The following ZNF33A variants were observed in gnomAD, a reference collection of about 807,000 sequenced individuals.
ZNF33A encodes brain my041 protein.
In ZNF33A, 9 loss-of-function variants were observed where a neutral mutation model predicts 15.9. That is an observed-to-expected ratio of 0.57 (90% CI 0.34 to 0.99). The LOEUF (loss-of-function observed/expected upper bound fraction) is 0.99. Ranked by LOEUF, ZNF33A falls within the 50% of genes least tolerant of loss-of-function variation. The probability of loss-of-function intolerance (pLI) is 0.02; values close to 1 mark genes in which losing one functional copy is unlikely to be tolerated. For synonymous variants in ZNF33A, 294 were observed against 324.2 expected (o/e 0.91, Z 1.00); for missense variants, 843 against 941.6 (o/e 0.90, Z 1.37).
chr10:38,012,005 C>T (rs984525854), intron 1 of ZNF33A, among the ~76,000 whole-genome samples: 2 of 151,850 alleles, frequency 1.3e-5, no homozygotes, highest in East Asian at 1.9e-4. Context: ...TTGTGAACAC[C>T]GAGGGAGATT....
chr10:38,048,084 A>G (rs1218052989), intron 4 of ZNF33A, among the ~76,000 whole-genome samples: 2 of 152,218 alleles, frequency 1.3e-5, no homozygotes, highest in African/African-American at 2.4e-5. Flanking sequence ...GCTATAAGAA[A>G]CAGTGAAGAA....
chr10:38,023,825 T>C (rs2064859233), intron 4 of ZNF33A, among the ~76,000 whole-genome samples: 3 of 152,106 alleles, frequency 2.0e-5, no homozygotes, highest in Admixed American at 2.0e-4. Context: ...TATTTACATA[T>C]GACATGATTG....
Position 38,057,473 on chromosome 10 carries a change from GA to G in ZNF33A, c.*915del. The G allele has an allele frequency of 1.0e-6, 1 of 985,348 alleles. No homozygotes were observed. 61.0% of individuals were successfully genotyped at this position (985,348 alleles called of 1,614,324 possible). ...AATCGTGTGTTTCATATGCATAATG[GA>G]ATTTAACGTAATTGTGAATAGGAAG... On this transcript the variant is annotated 3_prime_UTR_variant, in exon 5 of 5. Coordinates refer to ENST00000432900, the MANE Select transcript of ZNF33A (RefSeq NM_006954.2).
rs746951102 is a variant in ZNF33A at position 38,056,103 on chromosome 10, C to T, written c.1979C>T (p.Thr660Ile). The stretch of plus-strand genomic sequence containing the variant: ...CTAATTGTACATCAGAGAACCCATA[C>T]ACAAGAAAAGCCCTATAAATGTAAT... ...SALIVHQRTHTQEKPYKCNEC... is the reference protein window; with the variant it reads ...SALIVHQRTHIQEKPYKCNEC... Residue 660 changes from threonine to isoleucine, a missense_variant, in exon 5 of 5, where the codon ACA (threonine) becomes ATA (isoleucine). Coordinates refer to ENST00000432900, the MANE Select transcript of ZNF33A (RefSeq NM_006954.2). 11 of 1,614,014 alleles carry T rather than the reference C, an allele frequency of 6.8e-6. No homozygotes were observed. In the Admixed American group the frequency reaches 1.8e-4, roughly 27 times the overall value.
chr10:38,063,103 C>T (rs80054491), downstream of ZNF33A, among the ~76,000 whole-genome samples: 2,206 of 150,072 alleles, frequency 0.015, 55 homozygotes, highest in African/African-American at 0.051. Context: ...TCTAAAGAAA[C>T]CCTAAAGCAA....
chr10:38,041,232 C>T (rs2065684031), intron 4 of ZNF33A, among the ~76,000 whole-genome samples: 1 of 152,008 alleles, frequency 6.6e-6, no homozygotes, highest in African/African-American at 2.4e-5. Context: ...AGAATAGCAC[C>T]CATCAAGTAA....
chr10:38,028,137 A>G (rs1331617854), intron 4 of ZNF33A, among the ~76,000 whole-genome samples: 1 of 151,990 alleles, frequency 6.6e-6, no homozygotes, highest in Non-Finnish European at 1.5e-5. Flanking sequence ...GTGTGGTGGT[A>G]TGCGCTTGTG....
In ZNF33A at chr10:38,017,322, C is replaced by A; in HGVS notation, c.186C>A (p.Phe62Leu). ...GTGTTCACAAACCAGAGGTGATCTT[C>A]AGGCTGCAACAAGGAGAAGAGCCAT... ...GYCVHKPEVI[F>L]RLQQGEEPWK... Residue 62 changes from phenylalanine (F) to leucine (L), a missense_variant, in exon 4 of 5, where the codon TTC becomes TTA. Coordinates refer to ENST00000432900, the MANE Select transcript of ZNF33A (RefSeq NM_006954.2). 6.2e-7 allele frequency: 1 copy of A among 1,614,020 alleles called. No individual in the cohort carries two copies. The highest frequency in any genetic ancestry group is 1.7e-5 in the Admixed American group (1 of 60,000).
intron 4 of ZNF33A, among the ~76,000 whole-genome samples, chr10:38,042,464 G>A (rs927005665): frequency 1.1e-4 from 16 of 150,810 alleles, no homozygotes; most frequent in African/African-American, 3.7e-4. Flanking sequence ...TTACAGGCGT[G>A]AGCCACCACA....
chr10:38,039,087 G>A (rs943934511), intron 4 of ZNF33A, among the ~76,000 whole-genome samples: 2 of 151,958 alleles, frequency 1.3e-5, no homozygotes, highest in Non-Finnish European at 2.9e-5. Context: ...CATAGAATGA[G>A]CTGGCAAGTG....
At chr10:38,050,340 T>C (rs190744180) in intron 4 of ZNF33A, among the ~76,000 whole-genome samples, 1 of 152,290 alleles carries the variant, frequency 6.6e-6, no homozygotes, top group African/African-American at 2.4e-5. Context: ...TTTTCAACAT[T>C]TGAAAAGCAG....
chr10:38,066,126 T>A (rs190659619), downstream of ZNF33A, among the ~76,000 whole-genome samples: 2 of 152,286 alleles, frequency 1.3e-5, no homozygotes, highest in Non-Finnish European at 2.9e-5. Context: ...CTCAGGATTA[T>A]AGCATTTGAT....
At chr10:38,063,002 CAAAAAAAA>C (rs373779802), downstream of ZNF33A, among the ~76,000 whole-genome samples, 14 of 44,212 alleles carry the variant, frequency 3.2e-4, no homozygotes, top group African/African-American at 4.1e-4. Context: ...GACTCCATCT[CAAAAAAAA>C]AAAAAAAAAA....
At chr10:38,025,616 G>C (rs2064951698) in intron 4 of ZNF33A, among the ~76,000 whole-genome samples, 1 of 152,228 alleles carries the variant, frequency 6.6e-6, no homozygotes, top group African/African-American at 2.4e-5. Context: ...TCCAGCATTT[G>C]GAACCGTGAG....
chr10:38,058,039 A>C lies in ZNF33A; in HGVS notation c.*1479A>C. 1 of 984,630 alleles carries C rather than the reference A, an allele frequency of 1.0e-6. No homozygotes were observed. The highest frequency in any genetic ancestry group is 1.2e-6 in the Non-Finnish European group (1 of 829,172). 61.0% of individuals were successfully genotyped at this position (984,630 alleles called of 1,614,324 possible). A position where few individuals can be genotyped will look rare whatever the true frequency, so the allele number is the denominator to read the frequency against. ...CATGATCAGATCATACAAATAATCTAAGATTATACAGTCTAGTGATCCTAG... is the reference window on the plus strand; with the variant it reads ...CATGATCAGATCATACAAATAATCTCAGATTATACAGTCTAGTGATCCTAG... On this transcript the variant is annotated 3_prime_UTR_variant, in exon 5 of 5. Coordinates refer to ENST00000432900, the MANE Select transcript of ZNF33A (RefSeq NM_006954.2).
At chr10:38,048,323 A>T (rs1198845986) in intron 4 of ZNF33A, among the ~76,000 whole-genome samples, 2 of 152,206 alleles carry the variant, frequency 1.3e-5, no homozygotes, top group Non-Finnish European at 2.9e-5. Context: ...GTTTTATAAC[A>T]TTTAAAATAT....
At chr10:38,026,363 C>G (rs975229975) in intron 4 of ZNF33A, among the ~76,000 whole-genome samples, 2 of 152,210 alleles carry the variant, frequency 1.3e-5, no homozygotes, top group Non-Finnish European at 2.9e-5. Context: ...GAAACAGAGT[C>G]TTACCCTGTC....
rs2066439062 is a variant in ZNF33A, at chr10:38,055,641, T to C, written c.1517T>C (p.Phe506Ser). 1.2e-6 allele frequency: 2 copies of C among 1,613,946 alleles called. No individual in the cohort carries two copies. The highest frequency in any genetic ancestry group is 1.3e-5 in the African/African-American group (1 of 74,900). ...GAATGTAATGCATGTGGGAAAACTT[T>C]CTACCACAAGTCATTACTCACCAGG... ...SYECNACGKT[F>S]YHKSLLTRHQ... is the part of the protein sequence containing the mutation. Residue 506 changes from phenylalanine (F) to serine (S), a missense_variant, in exon 5 of 5, where the codon TTC (phenylalanine) becomes TCC (serine). Coordinates refer to ENST00000432900, the MANE Select transcript of ZNF33A (RefSeq NM_006954.2).
intron 4 of ZNF33A, among the ~76,000 whole-genome samples, chr10:38,049,941 G>A (rs1272055754): frequency 6.6e-6 from 1 of 152,116 alleles, no homozygotes; most frequent in Non-Finnish European, 1.5e-5. Flanking sequence ...ATACCTGTAA[G>A]TTATCAATTT....
Sources: allele counts gnomAD v4.1 joint callset (sites outside exome capture counted in the v4.1 genomes callset), GRCh38; gene constraint gnomAD v4.1.1; transcripts MANE v1.5; gene names NCBI Gene and HGNC (gene_info 2026-07-23, HGNC 2026-07-21).